Variants in LUZP2 observed in about 807,000 individuals in gnomAD.
LUZP2 encodes leucine zipper protein 2.
In LUZP2, 52 loss-of-function variants were observed where a neutral mutation model predicts 51.6. That is an observed-to-expected ratio of 1.01 (90% CI 0.81 to 1.27). LUZP2 has a LOEUF of 1.27. LUZP2 is among the 50% of genes most tolerant of loss of function. The pLI is 0.00. For missense variants in LUZP2, 436 were observed against 395.4 expected (o/e 1.10, Z -0.87); for synonymous variants, 154 against 137.3 (o/e 1.12, Z -0.85).
chr11:24,913,985 G>A (rs1371070394), intron 6 of LUZP2, among the ~76,000 whole-genome samples: 1 of 151,996 alleles, frequency 6.6e-6, no homozygotes, highest in Non-Finnish European at 1.5e-5. Flanking sequence ...GCTCTAAAAT[G>A]CAAACAACAT....
chr11:24,895,177 C>G (rs890346288), intron 5 of LUZP2, among the ~76,000 whole-genome samples: 13 of 151,912 alleles, frequency 8.6e-5, no homozygotes, highest in Non-Finnish European at 1.6e-4. Flanking sequence ...GGAAGTTTAC[C>G]CTGAAACAAA....
At chr11:24,868,879 C>G (rs1006821124) in intron 5 of LUZP2, among the ~76,000 whole-genome samples, 18 of 152,154 alleles carry the variant, frequency 1.2e-4, no homozygotes, top group African/African-American at 4.3e-4. Flanking sequence ...ATCAGGACTT[C>G]CTGATCAAAG....
rs147735925 is a variant in LUZP2, at chr11:24,697,888, C to G, written c.63-31281C>G. 1.1e-3 allele frequency among the ~76,000 whole-genome samples: 162 copies of G among 152,258 alleles called. 1 individual carries two copies. The highest frequency in any genetic ancestry group is 1.9e-3 in the South Asian group (9 of 4,824). ...CATTCTGATAAACTGAATGACGCCA[C>G]TTGGATCCATGACTCACACTAAGGA... On this transcript the variant is annotated intron_variant, in intron 1 of 11. Coordinates refer to ENST00000336930, the MANE Select transcript of LUZP2 (RefSeq NM_001009909.4).
intron 1 of LUZP2, among the ~76,000 whole-genome samples, chr11:24,715,440 C>T (rs1382951329): frequency 6.6e-6 from 1 of 152,106 alleles, no homozygotes; most frequent in African/African-American, 2.4e-5. Flanking sequence ...CCAACTTCTC[C>T]AGATTCTACC....
chr11:24,983,417 G>A (rs1856097683), intron 9 of LUZP2, 124 bp downstream of exon 9: 1 of 972,034 alleles, frequency 1.0e-6, no homozygotes, highest in African/African-American at 1.7e-5. Context: ...AGATTAGGAG[G>A]AAAATGGAAG....
chr11:24,575,395 A>G (rs908263162), intron 1 of LUZP2, among the ~76,000 whole-genome samples: 1 of 152,106 alleles, frequency 6.6e-6, no homozygotes, highest in Non-Finnish European at 1.5e-5. Context: ...TGCATATTTT[A>G]GGTGAAATTA....
intron 7 of LUZP2, among the ~76,000 whole-genome samples, chr11:24,971,205 A>G (rs555436713): frequency 6.6e-6 from 1 of 152,224 alleles, no homozygotes; most frequent in African/African-American, 2.4e-5. Context: ...CCATTTTTCC[A>G]CGTACCTGAG....
intron 1 of LUZP2, among the ~76,000 whole-genome samples, chr11:24,517,347 G>A (rs1335167497): frequency 6.6e-5 from 10 of 151,594 alleles, no homozygotes; most frequent in South Asian, 4.2e-4. Flanking sequence ...TTAGCTGGGC[G>A]TGGTGGCGGG....
intron 1 of LUZP2, among the ~76,000 whole-genome samples, chr11:24,601,877 C>CATGTATAT (rs1190079682): frequency 4.4e-4 from 22 of 50,364 alleles, no homozygotes; most frequent in African/African-American, 8.6e-4. Flanking sequence ...TATATGTATA[C>CATGTATAT]ATGTATATAT....
At chr11:24,796,529 GT>G in intron 5 of LUZP2, among the ~76,000 whole-genome samples, 1 of 143,470 alleles carries the variant, frequency 7.0e-6, no homozygotes, top group Non-Finnish European at 1.5e-5. Context: ...GTGTGTGTGT[GT>G]GTGCCACAGC....
chr11:25,019,391 A>G (rs1857262166), intron 9 of LUZP2, among the ~76,000 whole-genome samples: 1 of 152,182 alleles, frequency 6.6e-6, no homozygotes, highest in Non-Finnish European at 1.5e-5. Context: ...TGAATGATAT[A>G]ATGCATTTCA....
chr11:24,957,941 C>G (rs1365856013), intron 7 of LUZP2, among the ~76,000 whole-genome samples: 2 of 152,166 alleles, frequency 1.3e-5, no homozygotes, highest in Non-Finnish European at 2.9e-5. Context: ...GTGATGTTCC[C>G]CTTCCTGTGT....
intron 5 of LUZP2, among the ~76,000 whole-genome samples, chr11:24,808,078 G>C (rs1421450919): frequency 1.3e-5 from 2 of 152,108 alleles, no homozygotes; most frequent in Admixed American, 1.3e-4. Context: ...GTAAATAATA[G>C]TAATAGAAAT....
At chr11:25,031,182 TTG>T (rs1857675867) in intron 9 of LUZP2, among the ~76,000 whole-genome samples, 1 of 149,710 alleles carries the variant, frequency 6.7e-6, no homozygotes, top group Admixed American at 6.8e-5. Context: ...TGGCTAATTT[TTG>T]TGTTTTTAGT....
At chr11:24,542,380 C>T (rs1194568156) in intron 1 of LUZP2, among the ~76,000 whole-genome samples, 1 of 151,914 alleles carries the variant, frequency 6.6e-6, no homozygotes, top group Admixed American at 6.6e-5. Context: ...AGGTCATACC[C>T]ACACCTGATG....
At chr11:24,753,414 C>A (rs1228878276) in intron 4 of LUZP2, among the ~76,000 whole-genome samples, 3 of 152,202 alleles carry the variant, frequency 2.0e-5, no homozygotes, top group African/African-American at 7.2e-5. Flanking sequence ...AGCTTTATGT[C>A]CCCCAGGGTA....
chr11:25,058,019 T>A (rs1235621065), intron 10 of LUZP2, among the ~76,000 whole-genome samples: 1 of 152,098 alleles, frequency 6.6e-6, no homozygotes, highest in African/African-American at 2.4e-5. Flanking sequence ...CAATGCTTGG[T>A]TAACATAATT....
intron 1 of LUZP2, among the ~76,000 whole-genome samples, chr11:24,584,209 T>G (rs1183618480): frequency 2.0e-5 from 3 of 152,148 alleles, no homozygotes; most frequent in Non-Finnish European, 4.4e-5. Context: ...ACAGACCAAA[T>G]GAAGCCTGCC....
chr11:24,519,961 TGA>T (rs1283016940), intron 1 of LUZP2, among the ~76,000 whole-genome samples: 4 of 152,232 alleles, frequency 2.6e-5, no homozygotes, highest in Non-Finnish European at 5.9e-5. Context: ...AATATTGGTA[TGA>T]GTTACTATTA....
Sources: gnomAD v4.1 joint callset for allele counts (sites outside exome capture counted in the v4.1 genomes callset) on GRCh38, gnomAD v4.1.1 for gene constraint, MANE v1.5 for transcripts, NCBI Gene and HGNC (gene_info 2026-07-23, HGNC 2026-07-21) for gene names.